The following PHF3 variants were observed in gnomAD, a reference collection of about 807,000 sequenced individuals.
PHF3 encodes the protein PHD finger protein 3.
In PHF3, 41 loss-of-function variants were observed where a neutral mutation model predicts 178.4. The ratio of observed to expected loss-of-function variants is 0.23; its 90% confidence interval spans 0.18 to 0.30. PHF3 has a LOEUF of 0.30. Ranked by LOEUF, PHF3 falls within the 10% of genes least tolerant of loss-of-function variation. PHF3 has a pLI of 1.00. For synonymous variants in PHF3, 842 were observed against 800.5 expected, an observed-to-expected ratio of 1.05 and a Z score of -0.88; for missense variants, 2,346 against 2,398.1, an observed-to-expected ratio of 0.98 and a Z score of 0.45.
At chr6:63,689,221 T>C (rs1233494565) in intron 4 of PHF3, among the ~76,000 whole-genome samples, 1 of 152,196 alleles carries the variant, frequency 6.6e-6, no homozygotes, top group Non-Finnish European at 1.5e-5. Context: ...CTTTTAAACG[T>C]AAGTCAGTTG....
In PHF3 at chr6:63,671,284, A is replaced by G. The variant is rs561400915; in HGVS notation, c.245-8716A>G. Among the ~76,000 whole-genome samples, 9 of 152,342 alleles carry G rather than the reference A, an allele frequency of 5.9e-5. No homozygotes were observed. In the South Asian group the frequency reaches 1.2e-3, roughly 21 times the overall value. ...ATTTATTGCATACCTATCATATGCCAGACTGTTTCCAGTGCTGGAGGATAG... is the reference window on the plus strand; with the variant it reads ...ATTTATTGCATACCTATCATATGCCGGACTGTTTCCAGTGCTGGAGGATAG... On this transcript the variant is annotated intron_variant, in intron 2 of 15. Coordinates refer to ENST00000262043, the MANE Select transcript of PHF3 (RefSeq NM_001370348.2).
intron 2 of PHF3, chr6:63,679,611 A>G: frequency 3.3e-6 from 1 of 306,654 alleles, no homozygotes; most frequent in Non-Finnish European, 6.4e-6. Flanking sequence ...TGATTCTAGC[A>G]TGAACCTAGA....
intron 1 of PHF3, among the ~76,000 whole-genome samples, chr6:63,642,685 A>G (rs992514302): frequency 6.6e-6 from 1 of 152,168 alleles, no homozygotes; most frequent in Admixed American, 6.5e-5. Flanking sequence ...TTATGTTTTA[A>G]TTATTTAGAA....
intron 4 of PHF3, 181 bp downstream of exon 4, chr6:63,686,092 TATATC>T: frequency 1.8e-6 from 1 of 566,886 alleles, no homozygotes; most frequent in Non-Finnish European, 3.1e-6. Flanking sequence ...AATTTACAAA[TATATC>T]ATCCTAGAAC....
chr6:63,721,186 C>G lies in PHF3; in HGVS notation c.*7478C>G, dbSNP rs576288145. The G allele has an allele frequency of 6.4e-7, 1 of 1,551,528 alleles. No homozygotes were observed. The highest frequency in any genetic ancestry group is 2.0e-5 in the Admixed American group (1 of 50,964). On this transcript the variant is annotated 3_prime_UTR_variant, in exon 16 of 16. Transcript: ENST00000262043. ...GCAGTTGAAAATGAAGTTTTGTTTT[C>G]ACAATACCTTCCCACCCAACCCAAA...
rs745547553 is a variant in PHF3, at chr6:63,684,736, C to T, written c.1014C>T (p.Asp338=). 12 of 1,613,520 alleles carry T rather than the reference C, an allele frequency of 7.4e-6. No individual in the cohort carries two copies. The East Asian group carries it at 8.9e-5, about 12-fold the overall frequency. The change falls in exon 4 of 16, where the codon GAC becomes GAT. Residue 338 remains aspartate (D), a synonymous_variant. Transcript: ENST00000262043. Reference sequence around the variant, plus strand: ...ATGAAGATGACCATATTCTTGAGGACGCTGGATCTTCTGATATTTCTAGTG... The same window carrying T: ...ATGAAGATGACCATATTCTTGAGGATGCTGGATCTTCTGATATTTCTAGTG... The part of the protein sequence containing the change: ...LSHEDDHILE[D]AGSSDISSDA...
rs761846545 is a variant in PHF3 at position 63,680,181 on chromosome 6, C to G, written c.406+20C>G. ...CACAAGGTAATCCTTTGAGAGAGGTCTAGCTAGAAAATTAGAGGTATAGGG... is the reference window on the plus strand; with the variant it reads ...CACAAGGTAATCCTTTGAGAGAGGTGTAGCTAGAAAATTAGAGGTATAGGG... On this transcript the variant is annotated intron_variant, in intron 3 of 15. Coordinates refer to ENST00000262043, the MANE Select transcript of PHF3 (RefSeq NM_001370348.2). 18 of 1,573,018 alleles carry G rather than the reference C, an allele frequency of 1.1e-5. No individual in the cohort carries two copies. The highest frequency in any genetic ancestry group is 1.5e-5 in the Non-Finnish European group (18 of 1,164,050).
chr6:63,711,419 G>C lies in PHF3; in HGVS notation c.3997+57G>C, dbSNP rs1359913376. 57 of 1,444,316 alleles carry C rather than the reference G, an allele frequency of 3.9e-5. No homozygotes were observed. The South Asian group carries it at 4.5e-4, about 11-fold the overall frequency. 89.5% of individuals were successfully genotyped at this position (1,444,316 alleles called of 1,614,324 possible). On this transcript the variant is annotated intron_variant, in intron 15 of 15. Coordinates refer to ENST00000262043, the MANE Select transcript of PHF3 (RefSeq NM_001370348.2). ...TGAAATAACATGGGAGGTGGGACCA[G>C]AGTGAAAAGACTGATTCTGCCTTCT...
At position 63,722,853 on chromosome 6, in the gene PHF3, T is replaced by G. The variant is rs574347208; in HGVS notation, c.*9145T>G. Among the ~76,000 whole-genome samples the G allele has an allele frequency of 7.2e-5, 11 of 152,350 alleles. No individual in the cohort carries two copies. The highest frequency in any genetic ancestry group is 2.6e-4 in the African/African-American group (11 of 41,592). On this transcript the variant is annotated 3_prime_UTR_variant, in exon 16 of 16. Coordinates refer to ENST00000262043, the MANE Select transcript of PHF3 (RefSeq NM_001370348.2). ...GTTGGAATGTTTGGCAGCTCTATAG[T>G]TCTTCACCTATCAAACTACGTTCTC...
chr6:63,678,749 T>G (rs1766295550), intron 2 of PHF3: 2 of 432,660 alleles, frequency 4.6e-6, no homozygotes, highest in Non-Finnish European at 9.2e-6. Context: ...TGATTCTGTT[T>G]GTTGTCAAAT....
rs1582136801 is a variant in PHF3 at position 63,717,449 on chromosome 6, C to T, written c.*3741C>T. On this transcript the variant is annotated 3_prime_UTR_variant, in exon 16 of 16. Coordinates refer to ENST00000262043, the MANE Select transcript of PHF3 (RefSeq NM_001370348.2). ...TCAGGTTTATTTCTGTCTCTTAAAG[C>T]AAATTGCAAATAAAATTGGTTACTG... Among the ~76,000 whole-genome samples, 1 of 151,964 alleles carries T rather than the reference C, an allele frequency of 6.6e-6. No individual in the cohort carries two copies. The highest frequency in any genetic ancestry group is 1.9e-4 in the East Asian group (1 of 5,196).
rs1451602469 is a variant in PHF3, at chr6:63,715,083, ATTGT to A, written c.*1378_*1381del. ...AAATATAAATAATTCCACAAAATTG[ATTGT>A]TTTCCTAAAGAGCTTAAAGATTAGA... On this transcript the variant is annotated 3_prime_UTR_variant, in exon 16 of 16. Transcript: ENST00000262043. 6.6e-6 allele frequency: 1 copy of A among 152,102 alleles called. No individual in the cohort carries two copies. The highest frequency in any genetic ancestry group is 2.4e-5 in the African/African-American group (1 of 41,446). The allele number at this position is 152,102 out of a possible 1,614,324, so 9.4% of individuals were successfully genotyped here.
rs759371197 is a variant in PHF3 at position 63,713,675 on chromosome 6, G to A, written c.6087G>A (p.Arg2029=). 1.3e-6 allele frequency: 2 copies of A among 1,578,570 alleles called. No individual in the cohort carries two copies. The highest frequency in any genetic ancestry group is 1.7e-4 in the Middle Eastern group (1 of 5,858). ...EKDRDRYHKD[R]DHTDRTKSKR is the part of the protein sequence containing the mutation. ...ACAGGGATAGGTACCACAAAGATAG[G>A]GACCACACTGACAGAACTAAAAGCA... Residue 2029 remains arginine (R), a synonymous_variant, in exon 16 of 16, where the codon AGG becomes AGA. Coordinates refer to ENST00000262043, the MANE Select transcript of PHF3 (RefSeq NM_001370348.2).
chr6:63,639,768 A>C (rs754678013), intron 1 of PHF3, among the ~76,000 whole-genome samples: 1 of 152,206 alleles, frequency 6.6e-6, no homozygotes, highest in Non-Finnish European at 1.5e-5. Context: ...CATACGATAC[A>C]CAGGGCCTGG....
chr6:63,724,109 G>A lies in PHF3; in HGVS notation c.*10401G>A, dbSNP rs1404036975. The stretch of plus-strand genomic sequence containing the variant: ...GGCATATGCCACTGCACCTGGCCTT[G>A]GATTCGCATTAGAGTAAGAAAATGT... On this transcript the variant is annotated 3_prime_UTR_variant, in exon 16 of 16. Transcript: ENST00000262043. Among the ~76,000 whole-genome samples the A allele has an allele frequency of 6.6e-6, 1 of 152,006 alleles. No homozygotes were observed. The highest frequency in any genetic ancestry group is 1.5e-5 in the Non-Finnish European group (1 of 67,982).
Position 63,685,549 on chromosome 6 carries a change from A to G in PHF3, c.1827A>G (p.Glu609=), listed in dbSNP as rs199818220. The change falls in exon 4 of 16, where the codon GAA becomes GAG. Residue 609 remains glutamate, a synonymous_variant. Transcript: ENST00000262043. Reference sequence around the variant, plus strand: ...ACGCTCATCCTGGTTGCTTGAAAGAACCTCATCATCCTGCACAAACTGGAC... The same window carrying G: ...ACGCTCATCCTGGTTGCTTGAAAGAGCCTCATCATCCTGCACAAACTGGAC... ...KSHAHPGCLK[E]PHHPAQTGHV... 1.0e-4 allele frequency: 162 copies of G among 1,614,026 alleles called. No homozygotes were observed. The highest frequency in any genetic ancestry group is 1.4e-4 in the Non-Finnish European group (161 of 1,180,036).
At chr6:63,697,835 G>C (rs563142912) in intron 6 of PHF3, among the ~76,000 whole-genome samples, 1 of 152,246 alleles carries the variant, frequency 6.6e-6, no homozygotes, top group South Asian at 2.1e-4. Context: ...AATTAGTAAT[G>C]ATAGAATAAA....
At chr6:63,661,751 T>C (rs1032828057) in intron 2 of PHF3, among the ~76,000 whole-genome samples, 8 of 152,300 alleles carry the variant, frequency 5.3e-5, no homozygotes, top group African/African-American at 1.4e-4. Flanking sequence ...CTGAGAACTG[T>C]TGAGAATGTA....
chr6:63,688,864 T>C (rs996728464), intron 4 of PHF3, among the ~76,000 whole-genome samples: 1 of 152,118 alleles, frequency 6.6e-6, no homozygotes, highest in African/African-American at 2.4e-5. Flanking sequence ...TGAAAGCTGT[T>C]TGTTAATATG....
Sources: allele counts gnomAD v4.1 joint callset (sites outside exome capture counted in the v4.1 genomes callset), GRCh38; gene constraint gnomAD v4.1.1; transcripts MANE v1.5; gene names NCBI Gene and HGNC (gene_info 2026-07-23, HGNC 2026-07-21).